SUMF1: variants seen among roughly 807,000 people sequenced by gnomAD.
SUMF1 encodes the protein formylglycine-generating enzyme.
Under a neutral mutation model 47.6 loss-of-function variants are expected in SUMF1, and 48 were observed. The ratio of observed to expected loss-of-function variants is 1.01; its 90% CI spans 0.80 to 1.28. The LOEUF is 1.28. Ranked by LOEUF, SUMF1 falls within the 50% of genes most tolerant of loss-of-function variation. The pLI is 0.00. For synonymous variants in SUMF1, 230 were observed against 192.1 expected (o/e 1.20, Z -1.63); for missense variants, 571 against 485.4 (o/e 1.18, Z -1.66).
intron 9 of SUMF1, among the ~76,000 whole-genome samples, chr3:4,063,328 C>A (rs1452791178): frequency 1.3e-5 from 2 of 152,096 alleles, no homozygotes; most frequent in African/African-American, 4.8e-5. Flanking sequence ...TAAGCTACTG[C>A]AGAACTTAGA....
intron 8 of SUMF1, among the ~76,000 whole-genome samples, chr3:4,095,447 G>C (rs531983979): frequency 6.6e-6 from 1 of 152,102 alleles, no homozygotes; most frequent in East Asian, 1.9e-4. Context: ...AATCCCTAAT[G>C]TCTCTTTTTT....
chr3:4,251,860 T>G (rs114952962), intron 8 of SUMF1, among the ~76,000 whole-genome samples: 4,144 of 152,344 alleles, frequency 0.027, 81 homozygotes, highest in African/African-American at 0.036. Flanking sequence ...ATTAGAATTT[T>G]TTTTAGCAAT....
intron 9 of SUMF1, among the ~76,000 whole-genome samples, chr3:4,064,488 A>G (rs191184123): frequency 2.0e-5 from 3 of 152,276 alleles, no homozygotes; most frequent in Non-Finnish European, 4.4e-5. Context: ...TAATCAAGAA[A>G]TAACTATAAG....
rs1403399537 is a variant in SUMF1 at position 4,162,038 on chromosome 3, G to A, written c.1015-93293C>T. Among the ~76,000 whole-genome samples the A allele has an allele frequency of 2.0e-5, 3 of 152,062 alleles. No individual in the cohort carries two copies. The East Asian group carries it at 5.8e-4, about 29-fold the overall frequency. On this transcript the variant is annotated intron_variant and NMD_transcript_variant, in intron 8 of 12. Transcript: ENST00000448413. Reference sequence around the variant, plus strand: ...TCAGCAGGTGATTAATCCTGCCCAGGACTGGGTCCTTTCTTTCAAGGCAGC... The same window carrying A: ...TCAGCAGGTGATTAATCCTGCCCAGAACTGGGTCCTTTCTTTCAAGGCAGC...
intron 2 of SUMF1, among the ~76,000 whole-genome samples, chr3:4,450,041 T>C (rs1702916705): frequency 6.6e-6 from 1 of 152,220 alleles, no homozygotes; most frequent in Non-Finnish European, 1.5e-5. Flanking sequence ...AGCTCTGCCC[T>C]TGGCTCTCTG....
chr3:4,093,078 T>G (rs1381181191), intron 8 of SUMF1, among the ~76,000 whole-genome samples: 1 of 152,154 alleles, frequency 6.6e-6, no homozygotes, highest in African/African-American at 2.4e-5. Context: ...GTTCTGTCAT[T>G]TGTAGTTGGG....
intron 7 of SUMF1, among the ~76,000 whole-genome samples, chr3:4,408,925 G>A (rs1701456632): frequency 6.6e-6 from 1 of 151,948 alleles, no homozygotes; most frequent in Non-Finnish European, 1.5e-5. Flanking sequence ...TCACGCCACT[G>A]CACTCCAGCC....
chr3:4,051,381 A>G (rs1245222279), intron 9 of SUMF1, among the ~76,000 whole-genome samples: 1 of 152,174 alleles, frequency 6.6e-6, no homozygotes, highest in African/African-American at 2.4e-5. Flanking sequence ...AAGAGCCCCA[A>G]GAAAGTGGTT....
intron 3 of SUMF1, among the ~76,000 whole-genome samples, chr3:4,429,240 T>A (rs1418975137): frequency 6.6e-6 from 1 of 152,252 alleles, no homozygotes; most frequent in African/African-American, 2.4e-5. Context: ...ATGGTACGGT[T>A]AGTTTCCCTC....
chr3:4,201,361 TTTTAG>T (rs989077744), intron 8 of SUMF1, among the ~76,000 whole-genome samples: 1 of 152,080 alleles, frequency 6.6e-6, no homozygotes, highest in Non-Finnish European at 1.5e-5. Context: ...TTGCTTTAAT[TTTTAG>T]TTCTCATAAA....
chr3:4,379,947 T>G (rs1020799397), intron 7 of SUMF1, among the ~76,000 whole-genome samples: 1 of 152,074 alleles, frequency 6.6e-6, no homozygotes, highest in African/African-American at 2.4e-5. Flanking sequence ...CCATTCCCAT[T>G]TGTGAAAGAA....
At position 4,459,757 on chromosome 3, in the gene SUMF1, A is replaced by G. The variant is rs201088380; in HGVS notation, c.271-6708T>C. Among the ~76,000 whole-genome samples the G allele has an allele frequency of 2.0e-5, 3 of 152,262 alleles. No individual in the cohort carries two copies. The East Asian group carries it at 5.8e-4, about 29-fold the overall frequency. ...ATCTCTCCCTCTTTTCTACCCCCAG[A>G]TAACTGCAGAACCCTTGTAATTGGT... is the stretch of plus-strand genomic sequence containing the variant. On this transcript the variant is annotated intron_variant, in intron 1 of 8. Transcript: ENST00000272902.
intron 8 of SUMF1, among the ~76,000 whole-genome samples, chr3:4,172,187 C>T (rs1694846169): frequency 6.6e-6 from 1 of 152,062 alleles, no homozygotes; most frequent in South Asian, 2.1e-4. Context: ...ATTAGCAATA[C>T]ATAGAAGTTG....
At chr3:4,383,899 G>C (rs982605551) in intron 7 of SUMF1, among the ~76,000 whole-genome samples, 3 of 149,296 alleles carry the variant, frequency 2.0e-5, no homozygotes, top group Middle Eastern at 3.5e-3. Flanking sequence ...TAAAATTTCA[G>C]ACTCTTCATA....
intron 8 of SUMF1, among the ~76,000 whole-genome samples, chr3:4,086,714 C>T (rs1249687263): frequency 6.6e-6 from 1 of 152,010 alleles, no homozygotes; most frequent in African/African-American, 2.4e-5. Context: ...TCCCATAATA[C>T]CCTCATATTG....
At chr3:4,181,622 G>A (rs970530813) in intron 8 of SUMF1, among the ~76,000 whole-genome samples, 2 of 152,062 alleles carry the variant, frequency 1.3e-5, no homozygotes, top group African/African-American at 4.8e-5. Context: ...TGAGTTCCAT[G>A]TTTCCTTCCA....
chr3:4,265,331 T>C (rs528502336), intron 8 of SUMF1, among the ~76,000 whole-genome samples: 41 of 152,216 alleles, frequency 2.7e-4, no homozygotes, highest in African/African-American at 9.6e-4. Context: ...CACAAACTTG[T>C]AGTCCACATT....
At chr3:4,308,803 T>C (rs539238810) in intron 8 of SUMF1, among the ~76,000 whole-genome samples, 1 of 152,360 alleles carries the variant, frequency 6.6e-6, no homozygotes, top group African/African-American at 2.4e-5. Flanking sequence ...TCTTTGTTCA[T>C]TGACCATTTA....
chr3:4,439,758 T>G (rs711644), intron 3 of SUMF1, among the ~76,000 whole-genome samples: 1 of 151,418 alleles, frequency 6.6e-6, no homozygotes, highest in African/African-American at 2.4e-5. Context: ...GAGATGAGCT[T>G]TCAGTATGTC....
Sources: gnomAD v4.1 joint callset for allele counts (sites outside exome capture counted in the v4.1 genomes callset) on GRCh38, gnomAD v4.1.1 for gene constraint, MANE v1.5 for transcripts, NCBI Gene and HGNC (gene_info 2026-07-23, HGNC 2026-07-21) for gene names.